Variants in TUBA8 observed in about 807,000 individuals in gnomAD.
The protein encoded by TUBA8 is tubulin alpha-8 chain.
A neutral mutation model predicts 34.7 loss-of-function variants in TUBA8; 29 were observed. The observed-to-expected ratio is 0.84, with a 90% confidence interval of 0.62 to 1.14. The LOEUF (loss-of-function observed/expected upper bound fraction) is 1.14. Ranked by LOEUF, TUBA8 falls within the 50% of genes most tolerant of loss-of-function variation. TUBA8 has a pLI of 0.00. For missense variants in TUBA8, 541 were observed against 599.2 expected, an observed-to-expected ratio of 0.90 and a Z score of 1.01; for synonymous variants, 226 against 231.2, an observed-to-expected ratio of 0.98 and a Z score of 0.21.
chr22:18,129,680 C>A (rs915463321), intron 4 of TUBA8: 1 of 152,284 alleles, frequency 6.6e-6, no homozygotes, highest in South Asian at 2.1e-4. Context: ...GCCTGGCTAC[C>A]CATGTTGCCA....
rs921307286 is a variant in TUBA8 at position 18,121,815 on chromosome 22, G to A, written c.226+114G>A. 2.5e-5 allele frequency: 25 copies of A among 1,001,646 alleles called. No individual in the cohort carries two copies. The highest frequency in any genetic ancestry group is 3.2e-5 in the Non-Finnish European group (21 of 666,064). The allele number at this position is 1,001,646 out of a possible 1,614,324, so 62.0% of individuals were successfully genotyped here. The stretch of plus-strand genomic sequence containing the variant: ...GCTGGAAGGTGGGGATGGTGCAACC[G>A]CAGCCTCCCACCCCACGTGACATCT... On this transcript the variant is annotated intron_variant, in intron 2 of 4. Coordinates refer to ENST00000330423, the MANE Select transcript of TUBA8 (RefSeq NM_018943.3). This position sits in a 1 kb window ranked among gnomAD's most constrained non-coding sequence, Gnocchi z 4.8.
At chr22:18,123,939 T>A (rs919169185) in intron 2 of TUBA8, 3 of 595,056 alleles carry the variant, frequency 5.0e-6, no homozygotes, top group African/African-American at 3.7e-5. Flanking sequence ...AGCCTGCTTC[T>A]CACCGCCCAC....
Position 18,126,050 on chromosome 22 carries a change from G to A in TUBA8, c.376-304G>A, listed in dbSNP as rs374512459. ...TTAACTTTTAAAATTTTTTGTAGAT[G>A]CGAGGTCTCACTATGTTGCCCATGC... On this transcript the variant is annotated intron_variant, in intron 3 of 4. Coordinates refer to ENST00000330423, the MANE Select transcript of TUBA8 (RefSeq NM_018943.3). This position sits in a 1 kb window ranked among gnomAD's most constrained non-coding sequence, Gnocchi z 4.0. 64 of 405,534 alleles carry A rather than the reference G, an allele frequency of 1.6e-4. 2 individuals are homozygous for A. In the Middle Eastern group the frequency reaches 5.9e-3, roughly 38 times the overall value. 25.1% of individuals were successfully genotyped at this position (405,534 alleles called of 1,614,324 possible).
At position 18,119,208 on chromosome 22, in the gene TUBA8, T is replaced by C. The variant is rs930228513; in HGVS notation, c.4-2271T>C. The C allele has an allele frequency of 6.6e-6, 1 of 152,164 alleles. No homozygotes were observed. The highest frequency in any genetic ancestry group is 2.4e-5 in the African/African-American group (1 of 41,380). The allele number at this position is 152,164 out of a possible 1,614,324, so 9.4% of individuals were successfully genotyped here. On this transcript the variant is annotated intron_variant, in intron 1 of 4. Coordinates refer to ENST00000330423, the MANE Select transcript of TUBA8 (RefSeq NM_018943.3). This position sits in a 1 kb window ranked among gnomAD's most constrained non-coding sequence, Gnocchi z 5.9. ...CAGCCACATGCTGAATGTGACGCCG[T>C]GGTCTGGGTGGATAACTCGCTGGTT...
In TUBA8 at chr22:18,124,294, T is replaced by A. The variant is rs1928252007; in HGVS notation, c.365T>A (p.Ile122Lys). 2 of 1,613,802 alleles carry A rather than the reference T, an allele frequency of 1.2e-6. No individual in the cohort carries two copies. The highest frequency in any genetic ancestry group is 1.7e-6 in the Non-Finnish European group (2 of 1,179,900). Reference protein sequence around the residue: ...KESIDLVLDRIRKLTDACSGL... With the variant: ...KESIDLVLDRKRKLTDACSGL... ...AGCATTGACCTGGTGCTGGACCGCA[T>A]ACGGAAGCTGGTAAGATCAGGAGGG... The change falls in exon 3 of 5, where the codon ATA becomes AAA. Residue 122 changes from isoleucine to lysine, a missense_variant. Physicochemically the swap from Ile to Lys is moderately radical, Grantham distance 102. Transcript: ENST00000330423. The surrounding 1 kb of genome is among the most constrained non-coding windows in gnomAD (Gnocchi z 4.3).
chr22:18,111,358 T>A lies in TUBA8; in HGVS notation c.3+490T>A, dbSNP rs377324989. ...GCCACGGTCCCCCCACGCGTGGAGGTCTTTCTCGCAAGCCTGGCCAGCGGC... is the reference window on the plus strand; with the variant it reads ...GCCACGGTCCCCCCACGCGTGGAGGACTTTCTCGCAAGCCTGGCCAGCGGC... On this transcript the variant is annotated intron_variant, in intron 1 of 4. Transcript: ENST00000330423. This position sits in a 1 kb window ranked among gnomAD's most constrained non-coding sequence, Gnocchi z 5.1. 1.2e-4 allele frequency: 19 copies of A among 162,724 alleles called. No individual in the cohort carries two copies. Among genetic ancestry groups the A allele is most frequent in the Middle Eastern group, 2.9e-3 (1 of 342 alleles). The allele number at this position is 162,724 out of a possible 1,614,324, so 10.1% of individuals were successfully genotyped here.
chr22:18,126,371 C>A lies in TUBA8; in HGVS notation c.393C>A (p.Gly131=). ...CTCCCTAGACAGATGCTTGCTCTGGCCTGCAGGGCTTCCTGATTTTCCACA... is the reference window on the plus strand; with the variant it reads ...CTCCCTAGACAGATGCTTGCTCTGGACTGCAGGGCTTCCTGATTTTCCACA... ...RIRKLTDACS[G]LQGFLIFHSF... is the part of the protein sequence containing the mutation. The change falls in exon 4 of 5, where the codon GGC becomes GGA. Residue 131 remains glycine, a synonymous_variant. Transcript: ENST00000330423. This position sits in a 1 kb window ranked among gnomAD's most constrained non-coding sequence, Gnocchi z 4.0. 6.2e-7 allele frequency: 1 copy of A among 1,614,134 alleles called. No individual in the cohort carries two copies. The highest frequency in any genetic ancestry group is 8.5e-7 in the Non-Finnish European group (1 of 1,180,022).
In TUBA8 at chr22:18,122,091, C is replaced by T. The variant is rs114040112; in HGVS notation, c.226+390C>T. On this transcript the variant is annotated intron_variant, in intron 2 of 4. Coordinates refer to ENST00000330423, the MANE Select transcript of TUBA8 (RefSeq NM_018943.3). ...CGGGGTGGGTATAACCTCACAGCAT[C>T]TTACACACAAAGGGGCCTATCACAG... is the stretch of plus-strand genomic sequence containing the variant. 543 of 206,748 alleles carry T rather than the reference C, an allele frequency of 2.6e-3. 3 individuals carry two copies. The highest frequency in any genetic ancestry group is 0.011 in the African/African-American group (483 of 43,636). 12.8% of individuals were successfully genotyped at this position (206,748 alleles called of 1,614,324 possible).
intron 1 of TUBA8, chr22:18,117,820 A>G (rs888918511): frequency 6.6e-6 from 1 of 152,016 alleles, no homozygotes; most frequent in Non-Finnish European, 1.5e-5. Flanking sequence ...AATTAAGAAA[A>G]AAAAAGGCTG....
At chr22:18,129,273 G>C (rs1602501380) in intron 4 of TUBA8, 1 of 152,164 alleles carries the variant, frequency 6.6e-6, no homozygotes, top group African/African-American at 2.4e-5. Flanking sequence ...TGGGTGATGG[G>C]GAAATTAACA....
chr22:18,130,563 A>G (rs1445180525), intron 4 of TUBA8: 2 of 494,294 alleles, frequency 4.0e-6, no homozygotes, highest in African/African-American at 2.0e-5. Context: ...AGCTGGGACT[A>G]GTAGGCATAG....
rs771279683 is a variant in TUBA8 at position 18,126,498 on chromosome 22, G to GC, written c.526dup (p.Gln176ProfsTer36). ...CAAGCTGGAGTTTGCCATCTACCCAGCCCCCCAGGTCTCTACTGCAGTGGT... is the reference window on the plus strand; with the variant it reads ...CAAGCTGGAGTTTGCCATCTACCCAGCCCCCCCAGGTCTCTACTGCAGTGGT... On this transcript the variant is annotated frameshift_variant, in exon 4 of 5. Coordinates refer to ENST00000330423, the MANE Select transcript of TUBA8 (RefSeq NM_018943.3). LOFTEE classifies it high-confidence loss of function. This position sits in a 1 kb window ranked among gnomAD's most constrained non-coding sequence, Gnocchi z 4.0. 3 of 1,614,034 alleles carry GC rather than the reference G, an allele frequency of 1.9e-6. No homozygotes were observed. Among genetic ancestry groups the GC allele is most frequent in the East Asian group, 4.5e-5 (2 of 44,872 alleles).
At position 18,111,161 on chromosome 22, in the gene TUBA8, C is replaced by A. The variant is rs1198484885; in HGVS notation, c.3+293C>A. ...CTGGGGAGCCCGACGGAGAAGGGGG[C>A]GAGATTCTGGGGTCCCCAGATGGGC... On this transcript the variant is annotated intron_variant, in intron 1 of 4. Transcript: ENST00000330423. The surrounding 1 kb of genome is among the most constrained non-coding windows in gnomAD (Gnocchi z 5.1). The A allele has an allele frequency of 1.3e-5, 7 of 549,080 alleles. No homozygotes were observed. The highest frequency in any genetic ancestry group is 3.9e-5 in the African/African-American group (2 of 51,584). 34.0% of individuals were successfully genotyped at this position (549,080 alleles called of 1,614,324 possible). A position where few individuals can be genotyped will look rare whatever the true frequency, so the allele number is the denominator to read the frequency against.
In TUBA8 at chr22:18,126,692, C is replaced by T; in HGVS notation, c.714C>T (p.Ile238=). 6.2e-7 allele frequency: 1 copy of T among 1,614,188 alleles called. No individual in the cohort carries two copies. The highest frequency in any genetic ancestry group is 1.7e-5 in the Admixed American group (1 of 60,026). The change falls in exon 4 of 5, where the codon ATC becomes ATT. Residue 238 remains isoleucine (I), a synonymous_variant. Transcript: ENST00000330423. This position sits in a 1 kb window ranked among gnomAD's most constrained non-coding sequence, Gnocchi z 4.0. The stretch of plus-strand genomic sequence containing the variant: ...TCATCAGTCAGATTGTGTCCTCAAT[C>T]ACTGCTTCTCTCCGCTTTGACGGGG... The part of the protein sequence containing the change: ...NRLISQIVSS[I]TASLRFDGAL...
chr22:18,122,954 C>CA (rs1362005293), intron 2 of TUBA8: 1 of 150,978 alleles, frequency 6.6e-6, no homozygotes. Flanking sequence ...ACTAAAATTA[C>CA]AAAAAATTAG....
chr22:18,123,874 G>T, intron 2 of TUBA8: 1 of 431,898 alleles, frequency 2.3e-6, no homozygotes. Context: ...TGGGCCCGGC[G>T]ATGTTCGATG....
rs761218668 is a variant in TUBA8, at chr22:18,121,488, A to G, written c.13A>G (p.Ile5Val). 63 of 1,614,124 alleles carry G rather than the reference A, an allele frequency of 3.9e-5. No homozygotes were observed. Among genetic ancestry groups the G allele is most frequent in the Non-Finnish European group, 4.7e-5 (55 of 1,179,958 alleles). ...TTCCCTCTCCCCACAGCGGGAATGC[A>G]TATCAGTCCACGTGGGCCAAGCGGG... Reference protein sequence around the residue: MRECISVHVGQAGVQ... With the variant: MRECVSVHVGQAGVQ... The change falls in exon 2 of 5, where the codon ATA becomes GTA. Residue 5 changes from isoleucine to valine, a missense_variant. Transcript: ENST00000330423. The surrounding 1 kb of genome is among the most constrained non-coding windows in gnomAD (Gnocchi z 4.8).
Position 18,131,604 on chromosome 22 carries a change from C to CGGCG in TUBA8, c.*468_*469insGGCG. The CGGCG allele has an allele frequency of 1.8e-5, 4 of 219,536 alleles. No individual in the cohort carries two copies. Among genetic ancestry groups the CGGCG allele is most frequent in the South Asian group, 7.5e-5 (1 of 13,286 alleles). 13.6% of individuals were successfully genotyped at this position (219,536 alleles called of 1,614,324 possible). A position where few individuals can be genotyped will look rare whatever the true frequency, so the allele number is the denominator to read the frequency against. ...GCATCATCTAGACTTAGCATGCATT[C>CGGCG]ACTCCCCCATCACATATTCCAATAC... On this transcript the variant is annotated 3_prime_UTR_variant, in exon 5 of 5. Transcript: ENST00000330423. This position sits in a 1 kb window ranked among gnomAD's most constrained non-coding sequence, Gnocchi z 5.3.
In TUBA8 at chr22:18,121,095, C is replaced by T. The variant is rs1316450564; in HGVS notation, c.4-384C>T. 2 of 286,450 alleles carry T rather than the reference C, an allele frequency of 7.0e-6. No homozygotes were observed. The highest frequency in any genetic ancestry group is 4.3e-5 in the African/African-American group (2 of 46,188). 17.7% of individuals were successfully genotyped at this position (286,450 alleles called of 1,614,324 possible). A position where few individuals can be genotyped will look rare whatever the true frequency, so the allele number is the denominator to read the frequency against. Reference sequence around the variant, plus strand: ...TCAGGGTCAGGAGCAGCTGTGAATGCTGCCTTGTGTGGGCGTAGGCTGAAG... The same window carrying T: ...TCAGGGTCAGGAGCAGCTGTGAATGTTGCCTTGTGTGGGCGTAGGCTGAAG... On this transcript the variant is annotated intron_variant, in intron 1 of 4. Coordinates refer to ENST00000330423, the MANE Select transcript of TUBA8 (RefSeq NM_018943.3). This position sits in a 1 kb window ranked among gnomAD's most constrained non-coding sequence, Gnocchi z 4.8.
Sources: gnomAD v4.1 joint callset for allele counts on GRCh38, gnomAD v4.1.1 for gene constraint, Gnocchi (gnomAD v3.1) non-coding constraint, MANE v1.5 for transcripts, NCBI Gene and HGNC (gene_info 2026-07-23, HGNC 2026-07-21) for gene names.